PCDH7: variants seen among roughly 807,000 people sequenced by gnomAD.
PCDH7 encodes protocadherin-7.
A neutral mutation model predicts 58.9 loss-of-function variants in PCDH7; 17 were observed. The ratio of observed to expected loss-of-function variants is 0.29; its 90% CI spans 0.20 to 0.43. The LOEUF is 0.43. PCDH7 is among the 20% of genes least tolerant of loss of function. The pLI is 1.00. For synonymous variants in PCDH7, 664 were observed against 616.4 expected (o/e 1.08, Z -1.14); for missense variants, 1,274 against 1,441.0 (o/e 0.88, Z 1.88).
At chr4:30,837,224 G>A (rs1288261490) in intron 1 of PCDH7, among the ~76,000 whole-genome samples, 2 of 151,814 alleles carry the variant, frequency 1.3e-5, no homozygotes, top group African/African-American at 2.4e-5. Flanking sequence ...AAATTACTCC[G>A]GGCTAAGGGC....
rs73815125 is a variant in PCDH7 at position 30,982,759 on chromosome 4, A to C, written c.*7+32544A>C. Among the ~76,000 whole-genome samples the C allele has an allele frequency of 4.8e-3, 731 of 151,702 alleles. 6 individuals carry two copies. The highest frequency in any genetic ancestry group is 0.017 in the African/African-American group (703 of 41,350). On this transcript the variant is annotated intron_variant, in intron 3 of 3. Coordinates refer to the PCDH7 transcript ENST00000509759. ...ACCACATTTAACAGTAACTGCATCC[A>C]CTCTTTCCGTTGTATGATCTCTTCT...
At chr4:30,947,772 C>T (rs1377638594) in intron 2 of PCDH7, among the ~76,000 whole-genome samples, 1 of 152,092 alleles carries the variant, frequency 6.6e-6, no homozygotes, top group Non-Finnish European at 1.5e-5. Context: ...AGTCATTCTG[C>T]AGTGGTAGAG....
intron 1 of PCDH7, among the ~76,000 whole-genome samples, chr4:30,838,221 G>A (rs1389690765): frequency 6.6e-6 from 1 of 151,966 alleles, no homozygotes; most frequent in Non-Finnish European, 1.5e-5. Flanking sequence ...CTGAATGAAT[G>A]GCAGGCAAAA....
intron 3 of PCDH7, among the ~76,000 whole-genome samples, chr4:30,992,994 T>C (rs1407608399): frequency 6.6e-6 from 1 of 152,014 alleles, no homozygotes; most frequent in Non-Finnish European, 1.5e-5. Flanking sequence ...AGATGGGGTT[T>C]CATCAGGTTG....
rs75081457 is a variant in PCDH7, at chr4:30,919,068, C to G, written c.71-1085C>G. 1.6e-3 allele frequency among the ~76,000 whole-genome samples: 251 copies of G among 152,166 alleles called. 2 individuals are homozygous for G. Among genetic ancestry groups the G allele is most frequent in the African/African-American group, 5.9e-3 (245 of 41,552 alleles). On this transcript the variant is annotated intron_variant, in intron 1 of 3. Transcript: ENST00000509759. ...GTAAACTTTCATTATTTTCTAGCAA[C>G]ATTAATTTTTTACTTTGTAGTAGAA... is the stretch of plus-strand genomic sequence containing the variant.
chr4:30,722,216 C>A lies in PCDH7; in HGVS notation c.794C>A (p.Ala265Glu), dbSNP rs761830052. 1 of 1,589,464 alleles carries A rather than the reference C, an allele frequency of 6.3e-7. No homozygotes were observed. Reference sequence around the variant, plus strand: ...CAGCCGCAGCTGATCGTGAAGGGGGCGCTGGACCGCGAGCAGCGCGACTCC... The same window carrying A: ...CAGCCGCAGCTGATCGTGAAGGGGGAGCTGGACCGCGAGCAGCGCGACTCC... The change falls in exon 1 of 2, where the codon GCG becomes GAG. Residue 265 changes from alanine (A) to glutamate (E), a missense_variant. Coordinates refer to ENST00000361762, the Ensembl canonical transcript of PCDH7. This position sits in a 1 kb window ranked among gnomAD's most constrained non-coding sequence, Gnocchi z 7.6.
intron 3 of PCDH7, among the ~76,000 whole-genome samples, chr4:30,977,929 G>A (rs1022092894): frequency 3.3e-5 from 5 of 152,166 alleles, no homozygotes; most frequent in South Asian, 4.1e-4. Context: ...AGAGCGTTGC[G>A]TATATAGTGA....
At chr4:31,120,861 T>G (rs1049524739) in intron 3 of PCDH7, among the ~76,000 whole-genome samples, 3 of 152,190 alleles carry the variant, frequency 2.0e-5, no homozygotes, top group Non-Finnish European at 4.4e-5. Flanking sequence ...CTCTGGGAAA[T>G]GAATACAACA....
chr4:31,098,272 T>G (rs1471505544), intron 3 of PCDH7, among the ~76,000 whole-genome samples: 1 of 152,214 alleles, frequency 6.6e-6, no homozygotes, highest in Non-Finnish European at 1.5e-5. Flanking sequence ...GACTGACCAG[T>G]GGAAAAAGTC....
intron 1 of PCDH7, among the ~76,000 whole-genome samples, chr4:30,782,915 G>A (rs1722975338): frequency 6.6e-6 from 1 of 152,174 alleles, no homozygotes; most frequent in African/African-American, 2.4e-5. Flanking sequence ...CAAGGGGAAG[G>A]TGAGAGTTGG....
At chr4:30,956,416 A>G (rs1747873670) in intron 3 of PCDH7, among the ~76,000 whole-genome samples, 2 of 152,194 alleles carry the variant, frequency 1.3e-5, no homozygotes, top group Admixed American at 1.3e-4. Flanking sequence ...GTTCTAGTAA[A>G]GTGCTTTATA....
At chr4:30,848,697 C>T (rs1016244645) in intron 1 of PCDH7, among the ~76,000 whole-genome samples, 1 of 152,074 alleles carries the variant, frequency 6.6e-6, no homozygotes, top group African/African-American at 2.4e-5. Context: ...GCATTTAAGA[C>T]AGCATAGTTA....
At position 31,097,238 on chromosome 4, in the gene PCDH7, C is replaced by T. The variant is rs139546383; in HGVS notation, c.*8-45235C>T. Among the ~76,000 whole-genome samples the T allele has an allele frequency of 7.2e-3, 1,093 of 151,996 alleles. 12 individuals carry two copies. Among genetic ancestry groups the T allele is most frequent in the African/African-American group, 0.025 (1,021 of 41,484 alleles). On this transcript the variant is annotated intron_variant, in intron 3 of 3. Transcript: ENST00000509759. ...TTGGGAGGCCGAGGTGGGTGAATCA[C>T]CTGAGGTCAGGAGTTCGAGACCAGG... is the stretch of plus-strand genomic sequence containing the variant.
intron 1 of PCDH7, among the ~76,000 whole-genome samples, chr4:30,787,158 C>G (rs910200244): frequency 1.3e-5 from 2 of 151,954 alleles, no homozygotes; most frequent in African/African-American, 2.4e-5. Flanking sequence ...TGAATGGACT[C>G]AAGCAAAGAG....
At position 31,127,462 on chromosome 4, in the gene PCDH7, A is replaced by G. The variant is rs576691093; in HGVS notation, c.*8-15011A>G. Among the ~76,000 whole-genome samples the G allele has an allele frequency of 3.1e-3, 471 of 152,290 alleles. 4 individuals carry two copies. Among genetic ancestry groups the G allele is most frequent in the Middle Eastern group, 0.024 (7 of 294 alleles). On this transcript the variant is annotated intron_variant, in intron 3 of 3. Coordinates refer to the PCDH7 transcript ENST00000509759. Reference sequence around the variant, plus strand: ...ATGTGTCCTACATCTTAATGTCTATATGACTTTAAGAAGTCACATTAAATC... The same window carrying G: ...ATGTGTCCTACATCTTAATGTCTATGTGACTTTAAGAAGTCACATTAAATC...
intron 1 of PCDH7, among the ~76,000 whole-genome samples, chr4:30,810,930 C>G (rs1025490074): frequency 3.3e-5 from 5 of 152,112 alleles, no homozygotes; most frequent in African/African-American, 1.2e-4. Context: ...TTTCTAATTC[C>G]TTTTCTGTAC....
At chr4:31,074,784 C>CA (rs1157267696) in intron 3 of PCDH7, among the ~76,000 whole-genome samples, 11,523 of 52,242 alleles carry the variant, frequency 0.22, 1,815 homozygotes, top group African/African-American at 0.29. Context: ...GATTCCGTCT[C>CA]AAAAAAAAAA....
chr4:30,937,998 T>A (rs1354004666), intron 2 of PCDH7, among the ~76,000 whole-genome samples: 1 of 152,036 alleles, frequency 6.6e-6, no homozygotes. Context: ...TTATCATATA[T>A]ATTTTACAAT....
At position 30,900,408 on chromosome 4, in the gene PCDH7, C is replaced by T. The variant is rs1578220693; in HGVS notation, c.71-19745C>T. Reference sequence around the variant, plus strand: ...CTTGTGATTTAAGGAGTTGAATCTCCTCCCTCAGTCTTCCTCAAATATCTC... The same window carrying T: ...CTTGTGATTTAAGGAGTTGAATCTCTTCCCTCAGTCTTCCTCAAATATCTC... On this transcript the variant is annotated intron_variant, in intron 1 of 3. Coordinates refer to the PCDH7 transcript ENST00000509759. Among the ~76,000 whole-genome samples, 6 of 152,146 alleles carry T rather than the reference C, an allele frequency of 3.9e-5. No individual in the cohort carries two copies. The South Asian group carries it at 1.2e-3, about 32-fold the overall frequency.
Sources: allele counts gnomAD v4.1 joint callset (sites outside exome capture counted in the v4.1 genomes callset), GRCh38; gene constraint gnomAD v4.1.1; non-coding constraint Gnocchi (gnomAD v3.1); transcripts MANE v1.5; gene names NCBI Gene and HGNC (gene_info 2026-07-23, HGNC 2026-07-21).